Variants in CHD5 observed in about 807,000 individuals in gnomAD.
CHD5 encodes the protein ATP-dependent chromatin remodeler CHD5.
A neutral mutation model predicts 230.3 loss-of-function variants in CHD5; 69 were observed. The ratio of observed to expected loss-of-function variants is 0.30; its 90% confidence interval spans 0.25 to 0.37. The LOEUF is 0.37. Ranked by LOEUF, CHD5 falls within the 10% of genes least tolerant of loss-of-function variation. The probability of loss-of-function intolerance (pLI) is 1.00; values close to 1 mark genes in which losing one functional copy is unlikely to be tolerated. For missense variants in CHD5, 1,827 were observed against 2,622.8 expected (o/e 0.70, Z 6.63); for synonymous variants, 1,064 against 1,065.9 (o/e 1.00, Z 0.03).
At position 6,146,187 on chromosome 1, in the gene CHD5, A is replaced by T; in HGVS notation, c.1802+25T>A. The T allele has an allele frequency of 6.2e-7, 1 of 1,606,362 alleles. No individual in the cohort carries two copies. The highest frequency in any genetic ancestry group is 8.5e-7 in the Non-Finnish European group (1 of 1,173,736). On this transcript the variant is annotated intron_variant, in intron 11 of 41. Transcript: ENST00000262450. This position sits in a 1 kb window ranked among gnomAD's most constrained non-coding sequence, Gnocchi z 5.1. The stretch of plus-strand genomic sequence containing the variant: ...ACGTGGCCCGGCCCCAGCGATGGGC[A>T]GGGTGGCCGCCTGCAGGCACACACC...
At chr1:6,124,483 C>A in intron 30 of CHD5, 34 bp downstream of exon 30, 2 of 1,613,280 alleles carry the variant, frequency 1.2e-6, no homozygotes, top group Non-Finnish European at 1.7e-6. Context: ...CAGGCAGCCA[C>A]CAGGAAGGGC....
At chr1:6,175,385 GGATGCATGGATGGATGGTGGATA>G (rs1667409855) in intron 1 of CHD5, among the ~76,000 whole-genome samples, 1 of 128,110 alleles carries the variant, frequency 7.8e-6, no homozygotes, top group Non-Finnish European at 1.6e-5. Context: ...GATGGTGGAT[GGATGCATGGATGGATGGTGGATA>G]GATGAATGGA....
At chr1:6,140,759 G>C (rs961592987) in intron 15 of CHD5, among the ~76,000 whole-genome samples, 5 of 152,084 alleles carry the variant, frequency 3.3e-5, no homozygotes, top group Non-Finnish European at 5.9e-5. Flanking sequence ...CCATGCTTTG[G>C]GAGGCTGAGG....
At chr1:6,165,812 G>C (rs1247588757) in intron 2 of CHD5, among the ~76,000 whole-genome samples, 2 of 152,068 alleles carry the variant, frequency 1.3e-5, no homozygotes, top group Admixed American at 1.3e-4. Context: ...CCTTCCCTGG[G>C]GGAGCCTCCA....
chr1:6,178,516 A>G (rs1667459573), intron 1 of CHD5, among the ~76,000 whole-genome samples: 1 of 151,360 alleles, frequency 6.6e-6, no homozygotes, highest in African/African-American at 2.4e-5. Flanking sequence ...ATGGCCACTG[A>G]TTTTTTTTTG....
chr1:6,148,113 GCA>G (rs1483570178), intron 9 of CHD5, among the ~76,000 whole-genome samples: 1 of 152,130 alleles, frequency 6.6e-6, no homozygotes, highest in South Asian at 2.1e-4. Context: ...ACGGATGCAC[GCA>G]CACACATACA....
rs761143686 is a variant in CHD5 at position 6,151,154 on chromosome 1, C to T, written c.872G>A (p.Ser291Asn). The T allele has an allele frequency of 6.2e-7, 1 of 1,606,374 alleles. No homozygotes were observed. Among genetic ancestry groups the T allele is most frequent in the Non-Finnish European group, 8.5e-7 (1 of 1,176,028 alleles). ...CGACTCCTCCCTCTCATCTTCTTCACTCTGCAGGGGAAGACAGGGTCCTGT... is the reference window on the plus strand; with the variant it reads ...CGACTCCTCCCTCTCATCTTCTTCATTCTGCAGGGGAAGACAGGGTCCTGT... ...ISNKRKKGSSSEEDEREESDF... is the reference protein window; with the variant it reads ...ISNKRKKGSSNEEDEREESDF... The change falls in exon 7 of 42, where the codon AGT becomes AAT. Residue 291 changes from serine (S) to asparagine (N), a missense_variant and splice_region_variant. Physicochemically the swap from Ser to Asn is conservative, Grantham distance 46. Around this residue, in one of 14 missense-constraint regions of CHD5, gnomAD observed 657 missense variants for 816.4 expected, o/e 0.80. Transcript: ENST00000262450.
rs770604034 is a variant in CHD5, at chr1:6,160,386, T to C, written c.208-871A>G. Among the ~76,000 whole-genome samples the C allele has an allele frequency of 3.9e-3, 216 of 55,778 alleles. 1 individual carries two copies. Among genetic ancestry groups the C allele is most frequent in the Non-Finnish European group, 4.6e-3 (129 of 28,092 alleles). 36.6% of individuals were successfully genotyped at this position (55,778 alleles called of 152,430 possible). A position where few individuals can be genotyped will look rare whatever the true frequency, so the allele number is the denominator to read the frequency against. On this transcript the variant is annotated intron_variant, in intron 2 of 41. Transcript: ENST00000262450. ...GGCCCCAGCCAGAGAAGAAGAGCCC[T>C]AGCCAGGGAAGGGCCCCAGCCAGAG...
In CHD5 at chr1:6,105,178, T is replaced by C. The variant is rs1248611746; in HGVS notation, c.*296A>G. On this transcript the variant is annotated 3_prime_UTR_variant, in exon 42 of 42. Coordinates refer to ENST00000262450, the MANE Select transcript of CHD5 (RefSeq NM_015557.3). This position sits in a 1 kb window ranked among gnomAD's most constrained non-coding sequence, Gnocchi z 4.8. ...AGATGTACAAATAAATGAAATCTCT[T>C]CTAAGAAGTCGTCTGGAAAAGGTGG... is the stretch of plus-strand genomic sequence containing the variant. 2 of 349,376 alleles carry C rather than the reference T, an allele frequency of 5.7e-6. No homozygotes were observed. Among genetic ancestry groups the C allele is most frequent in the African/African-American group, 4.3e-5 (2 of 46,628 alleles). The allele number at this position is 349,376 out of a possible 1,614,324, so 21.6% of individuals were successfully genotyped here. A position where few individuals can be genotyped will look rare whatever the true frequency, so the allele number is the denominator to read the frequency against.
chr1:6,166,582 G>A (rs1445396285), intron 2 of CHD5, among the ~76,000 whole-genome samples: 4 of 152,058 alleles, frequency 2.6e-5, no homozygotes, highest in Non-Finnish European at 5.9e-5. Flanking sequence ...GGGGACCAAG[G>A]ACACAGTCCA....
rs749253213 is a variant in CHD5 at position 6,134,119 on chromosome 1, G to T, written c.3144+9C>A. The stretch of plus-strand genomic sequence containing the variant: ...GGAGCCGGGGCGGGGGTGGGCAGGG[G>T]CAGCGCACCTGGGAGAAGATGAGCA... On this transcript the variant is annotated intron_variant, in intron 20 of 41. Transcript: ENST00000262450. The surrounding 1 kb of genome is among the most constrained non-coding windows in gnomAD (Gnocchi z 6.3). The T allele has an allele frequency of 3.1e-6, 5 of 1,610,650 alleles. No homozygotes were observed. The South Asian group carries it at 4.4e-5, about 14-fold the overall frequency.
intron 38 of CHD5, among the ~76,000 whole-genome samples, chr1:6,107,828 G>A (rs368884637): frequency 7.1e-6 from 1 of 140,462 alleles, no homozygotes; most frequent in Non-Finnish European, 1.5e-5. Context: ...AGGGATGGAG[G>A]GATGATGAAG....
Position 6,146,398 on chromosome 1 carries a change from T to C in CHD5, c.1616A>G (p.Tyr539Cys). The C allele has an allele frequency of 6.2e-7, 1 of 1,614,094 alleles. No individual in the cohort carries two copies. Among genetic ancestry groups the C allele is most frequent in the Non-Finnish European group, 8.5e-7 (1 of 1,180,014 alleles). ...GTCGTTCTTTCTTTGGTAGTTGCGA[T>C]ACATCACCGTGTGGTACAGCTCCAG... ...LQLELYHTVM[Y>C]RNYQRKNDMD... Residue 539 changes from tyrosine to cysteine, a missense_variant, in exon 11 of 42, where the codon TAT becomes TGT. Coordinates refer to ENST00000262450, the MANE Select transcript of CHD5 (RefSeq NM_015557.3). This position sits in a 1 kb window ranked among gnomAD's most constrained non-coding sequence, Gnocchi z 5.1.
rs183076886 is a variant in CHD5 at position 6,121,469 on chromosome 1, G to A, written c.4779+25C>T. The A allele has an allele frequency of 2.9e-5, 47 of 1,595,408 alleles. No individual in the cohort carries two copies. In the African/African-American group the frequency reaches 4.8e-4, roughly 16 times the overall value. ...AACCTCCACCCCACACACACCACAG[G>A]CCCAGACGCCAGCAAGTTCCACACC... On this transcript the variant is annotated intron_variant, in intron 32 of 41. Coordinates refer to ENST00000262450, the MANE Select transcript of CHD5 (RefSeq NM_015557.3). This position sits in a 1 kb window ranked among gnomAD's most constrained non-coding sequence, Gnocchi z 4.5.
intron 34 of CHD5, 97 bp from the exon 35 acceptor site, chr1:6,112,374 G>T: frequency 6.9e-7 from 1 of 1,453,926 alleles, no homozygotes; most frequent in African/African-American, 1.4e-5. Context: ...GAGGCAAGTA[G>T]AAAACATCCT....
rs147871474 is a variant in CHD5 at position 6,106,769 on chromosome 1, C to T, written c.5589G>A (p.Gln1863=). The change falls in exon 39 of 42, where the codon CAG becomes CAA. Residue 1863 remains glutamine (Q), a synonymous_variant. Transcript: ENST00000262450. The stretch of plus-strand genomic sequence containing the variant: ...TCATGTCGCTCAGCAGCTCCTCCAG[C>T]TGGTTCAGGACTGTGGTGGGAGGCG... The part of the protein sequence containing the change: ...ANAVLHKVLN[Q]LEELLSDMKA... 603 of 1,595,216 alleles carry T rather than the reference C, an allele frequency of 3.8e-4. No homozygotes were observed. The highest frequency in any genetic ancestry group is 3.0e-3 in the Middle Eastern group (17 of 5,654).
At position 6,124,012 on chromosome 1, in the gene CHD5, C is replaced by A. The variant is rs140639533; in HGVS notation, c.4635G>T (p.Ser1545=). 1.2e-6 allele frequency: 2 copies of A among 1,612,294 alleles called. No homozygotes were observed. Among genetic ancestry groups the A allele is most frequent in the South Asian group, 2.2e-5 (2 of 90,768 alleles). ...EGKKSGEVIS[S]DPNTPVPASP... ...TGGCGGGCACTGGTGTGTTGGGGTC[C>A]GAGGAGATCACCTCGCCCGACTTCT... is the stretch of plus-strand genomic sequence containing the variant. The change falls in exon 31 of 42, where the codon TCG becomes TCT. Residue 1545 remains serine (S), a synonymous_variant. Transcript: ENST00000262450.
intron 1 of CHD5, among the ~76,000 whole-genome samples, chr1:6,179,374 G>T (rs1392889792): frequency 6.6e-6 from 1 of 152,062 alleles, no homozygotes; most frequent in African/African-American, 2.4e-5. Flanking sequence ...GTCCGAGCCC[G>T]TGCGTCCCAG....
At chr1:6,118,244 C>A (rs1666407877) in intron 33 of CHD5, among the ~76,000 whole-genome samples, 1 of 151,856 alleles carries the variant, frequency 6.6e-6, no homozygotes, top group Non-Finnish European at 1.5e-5. Flanking sequence ...GGCGTGTTAG[C>A]ATGTGCACCT....
Sources: gnomAD v4.1 joint callset for allele counts (sites outside exome capture counted in the v4.1 genomes callset) on GRCh38, gnomAD v4.1.1 for gene constraint, gnomAD v4.1.1 regional missense constraint, Gnocchi (gnomAD v3.1) non-coding constraint, MANE v1.5 for transcripts, NCBI Gene and HGNC (gene_info 2026-07-23, HGNC 2026-07-21) for gene names.